SRPK2: variants seen among roughly 807,000 people sequenced by gnomAD.
SRPK2 encodes the protein SFRS protein kinase 2.
SRPK2 carries 21 observed loss-of-function variants against 90.8 expected under a neutral mutation model. The ratio of observed to expected loss-of-function variants is 0.23; its 90% CI spans 0.16 to 0.33. The LOEUF is 0.33. Among genes scored for constraint, SRPK2 ranks in the 10% least tolerant of loss-of-function variants. The probability of loss-of-function intolerance (pLI) is 1.00; values close to 1 mark genes in which losing one functional copy is unlikely to be tolerated. For missense variants in SRPK2, 620 were observed against 869.0 expected (o/e 0.71, Z 3.60); for synonymous variants, 288 against 311.1 (o/e 0.93, Z 0.78).
chr7:105,286,012 T>C (rs1808055595), intron 2 of SRPK2, among the ~76,000 whole-genome samples: 1 of 152,222 alleles, frequency 6.6e-6, no homozygotes, highest in Admixed American at 6.5e-5. Context: ...GATACTCCCA[T>C]ATCCCTGTAA....
chr7:105,235,099 C>A (rs1239867735), intron 2 of SRPK2, among the ~76,000 whole-genome samples: 1 of 152,134 alleles, frequency 6.6e-6, no homozygotes, highest in Non-Finnish European at 1.5e-5. Context: ...CCAGAGAAGC[C>A]AAAAGATTAG....
At chr7:105,123,095 T>C (rs761919820) in intron 15 of SRPK2, among the ~76,000 whole-genome samples, 1 of 152,140 alleles carries the variant, frequency 6.6e-6, no homozygotes, top group Non-Finnish European at 1.5e-5. Context: ...AAAAAATTCA[T>C]GGACGTGCTG....
chr7:105,399,042 T>TG, intron 1 of SRPK2: 3 of 152,244 alleles, frequency 2.0e-5, no homozygotes, highest in African/African-American at 7.2e-5. Context: ...ATTCAATAAA[T>TG]ATTAGCTGAT....
At chr7:105,192,236 A>G (rs1794389153) in intron 3 of SRPK2, among the ~76,000 whole-genome samples, 1 of 152,080 alleles carries the variant, frequency 6.6e-6, no homozygotes, top group Admixed American at 6.5e-5. Context: ...GAGTCCCCAA[A>G]GTCTACAGTG....
intron 2 of SRPK2, among the ~76,000 whole-genome samples, chr7:105,317,551 G>A (rs377048124): frequency 6.6e-6 from 1 of 152,114 alleles, no homozygotes; most frequent in African/African-American, 2.4e-5. Context: ...TCTCAAAAGC[G>A]TATGAAATGA....
rs370857150 is a variant in SRPK2 at position 105,128,442 on chromosome 7, G to A, written c.1753-1380C>T. Among the ~76,000 whole-genome samples the A allele has an allele frequency of 4.6e-5, 7 of 152,060 alleles. No individual in the cohort carries two copies. The South Asian group carries it at 1.5e-3, about 32-fold the overall frequency. On this transcript the variant is annotated intron_variant, in intron 13 of 15. Transcript: ENST00000393651. ...ACCCAATAAACAAAGAAGACAGTTG[G>A]GCCAATCCCAGATGAGGGCAGGAAA...
intron 2 of SRPK2, among the ~76,000 whole-genome samples, chr7:105,344,881 A>T (rs1044349112): frequency 6.6e-6 from 1 of 151,452 alleles, no homozygotes; most frequent in African/African-American, 2.4e-5. Context: ...TAACACCTGT[A>T]ATCCCAACAC....
intron 2 of SRPK2, among the ~76,000 whole-genome samples, chr7:105,317,843 G>T (rs1812479391): frequency 6.6e-6 from 1 of 152,088 alleles, no homozygotes; most frequent in African/African-American, 2.4e-5. Context: ...CAACCTCCCA[G>T]ATTCAGGTGA....
intron 2 of SRPK2, among the ~76,000 whole-genome samples, chr7:105,248,669 G>A (rs1802053048): frequency 6.6e-6 from 1 of 152,028 alleles, no homozygotes; most frequent in Non-Finnish European, 1.5e-5. Context: ...GTCCGGGCGC[G>A]ATGGCTCACG....
chr7:105,371,757 G>A (rs931035564), intron 2 of SRPK2, among the ~76,000 whole-genome samples: 19 of 152,018 alleles, frequency 1.2e-4, no homozygotes, highest in African/African-American at 4.3e-4. Flanking sequence ...TAACTGTTTA[G>A]ACTGTGGGAA....
intron 6 of SRPK2, among the ~76,000 whole-genome samples, chr7:105,166,942 C>T (rs370553176): frequency 7.9e-5 from 12 of 152,230 alleles, no homozygotes; most frequent in Non-Finnish European, 1.6e-4. Context: ...TGGACATTTA[C>T]AGAGCATTTT....
At chr7:105,214,413 A>G (rs2129613486) in intron 2 of SRPK2, among the ~76,000 whole-genome samples, 1 of 152,350 alleles carries the variant, frequency 6.6e-6, no homozygotes, top group South Asian at 2.1e-4. Context: ...GATGATTCCA[A>G]TATCTGATAC....
chr7:105,287,271 A>T lies in SRPK2; in HGVS notation c.72-83486T>A, dbSNP rs1470500754. Among the ~76,000 whole-genome samples the T allele has an allele frequency of 1.0e-3, 136 of 134,182 alleles. 1 individual carries two copies. The South Asian group carries it at 0.015, about 15-fold the overall frequency. 88.0% of individuals were successfully genotyped at this position (134,182 alleles called of 152,430 possible). A position where few individuals can be genotyped will look rare whatever the true frequency, so the allele number is the denominator to read the frequency against. The stretch of plus-strand genomic sequence containing the variant: ...GCGAGACTCCGTCTAAAAAAAAAAA[A>T]AAAAAAAAAAAAAGAAGAAAAGGAT... On this transcript the variant is annotated intron_variant, in intron 2 of 15. Transcript: ENST00000393651.
chr7:105,133,661 T>G (rs976189160), intron 11 of SRPK2, among the ~76,000 whole-genome samples: 13 of 152,056 alleles, frequency 8.5e-5, no homozygotes, highest in Non-Finnish European at 1.6e-4. Context: ...TCTCAAGGGG[T>G]AGATGACTGT....
chr7:105,273,156 A>G (rs1806051277), intron 2 of SRPK2, among the ~76,000 whole-genome samples: 1 of 151,912 alleles, frequency 6.6e-6, no homozygotes, highest in Non-Finnish European at 1.5e-5. Flanking sequence ...CGGAGGTTGC[A>G]GTGAGCAGAG....
chr7:105,176,621 G>GTA (rs60848545), intron 3 of SRPK2, among the ~76,000 whole-genome samples: 36,511 of 147,008 alleles, frequency 0.25, 6,680 homozygotes, highest in East Asian at 0.64. Context: ...ATACGTGTGT[G>GTA]TATATATATA....
intron 2 of SRPK2, among the ~76,000 whole-genome samples, chr7:105,386,069 C>CTT (rs891922151): frequency 1.3e-5 from 2 of 151,628 alleles, no homozygotes; most frequent in Admixed American, 1.3e-4. Flanking sequence ...AATCCCAGCA[C>CTT]TTTAGGAGGC....
chr7:105,389,804 A>T (rs560604820), upstream of SRPK2, among the ~76,000 whole-genome samples: 2 of 152,342 alleles, frequency 1.3e-5, no homozygotes, highest in South Asian at 4.1e-4. Context: ...ATGTTCTCTT[A>T]TTTATGTAAA....
intron 7 of SRPK2, among the ~76,000 whole-genome samples, chr7:105,157,397 A>G (rs1326651672): frequency 6.6e-6 from 1 of 152,202 alleles, no homozygotes; most frequent in African/African-American, 2.4e-5. Flanking sequence ...GTCAGTCTGC[A>G]ATAAAAAATC....
Sources: gnomAD v4.1 joint callset for allele counts (sites outside exome capture counted in the v4.1 genomes callset) on GRCh38, gnomAD v4.1.1 for gene constraint, MANE v1.5 for transcripts, NCBI Gene and HGNC (gene_info 2026-07-23, HGNC 2026-07-21) for gene names.